LINGO2: variants seen among roughly 807,000 people sequenced by gnomAD.
LINGO2 encodes the protein leucine-rich repeat and immunoglobulin-like domain-containing nogo receptor-interacting protein 2.
A neutral mutation model predicts 30.6 loss-of-function variants in LINGO2; 14 were observed. The observed-to-expected ratio is 0.46, with a 90% CI of 0.30 to 0.72. The LOEUF (loss-of-function observed/expected upper bound fraction) is 0.72. LINGO2 is among the 30% of genes least tolerant of loss of function. The probability of loss-of-function intolerance (pLI) is 0.07; values close to 1 mark genes in which losing one functional copy is unlikely to be tolerated. For synonymous variants in LINGO2, 317 were observed against 288.5 expected (o/e 1.10, Z -1.00); for missense variants, 729 against 751.7 (o/e 0.97, Z 0.35).
intron 4 of LINGO2, among the ~76,000 whole-genome samples, chr9:28,273,180 A>G (rs982479794): frequency 2.6e-5 from 4 of 152,206 alleles, no homozygotes; most frequent in African/African-American, 9.6e-5. Context: ...TGCGTATTGT[A>G]TAAGCTGACC....
intron 2 of LINGO2, among the ~76,000 whole-genome samples, chr9:28,468,116 T>C (rs1825383081): frequency 6.6e-6 from 1 of 152,172 alleles, no homozygotes; most frequent in African/African-American, 2.4e-5. Flanking sequence ...TTTAATAGTA[T>C]ATCTGATAGT....
the LINGO2 span, among the ~76,000 whole-genome samples, chr9:28,997,463 T>C: frequency 6.6e-6 from 1 of 152,166 alleles, no homozygotes; most frequent in African/African-American, 2.4e-5. Flanking sequence ...AATATAACAG[T>C]TTGTTAAATA....
At chr9:28,841,902 C>A in the LINGO2 span, among the ~76,000 whole-genome samples, 1 of 151,828 alleles carries the variant, frequency 6.6e-6, no homozygotes, top group African/African-American at 2.4e-5. Flanking sequence ...CTAATAAAAA[C>A]CGCCTTCCTC....
At chr9:28,229,950 G>A (rs549298028) in intron 4 of LINGO2, among the ~76,000 whole-genome samples, 2 of 151,800 alleles carry the variant, frequency 1.3e-5, no homozygotes, top group African/African-American at 4.8e-5. Flanking sequence ...GAGCTGATTT[G>A]ACCTAAAGGC....
chr9:28,329,755 C>T lies in LINGO2; in HGVS notation c.-245-34389G>A, dbSNP rs1227110814. Among the ~76,000 whole-genome samples, 1 of 152,098 alleles carries T rather than the reference C, an allele frequency of 6.6e-6. No homozygotes were observed. The highest frequency in any genetic ancestry group is 6.5e-5 in the Admixed American group (1 of 15,270). ...CCTTCAAGACTTCAAACAGGCATGA[C>T]CTTTTCCATGCAGACCATCCTGACC... On this transcript the variant is annotated intron_variant, in intron 3 of 5. Transcript: ENST00000379992. This position sits in a 1 kb window ranked among gnomAD's most constrained non-coding sequence, Gnocchi z 4.5.
the LINGO2 span, among the ~76,000 whole-genome samples, chr9:29,038,190 G>A: frequency 4.6e-5 from 7 of 151,904 alleles, no homozygotes; most frequent in African/African-American, 1.7e-4. Flanking sequence ...TGTAGACAAC[G>A]TCCAACTGTT....
the LINGO2 span, among the ~76,000 whole-genome samples, chr9:28,739,204 C>A: frequency 1.3e-5 from 2 of 151,902 alleles, no homozygotes; most frequent in Non-Finnish European, 2.9e-5. Context: ...CAAATGCCAT[C>A]ATAAAGGTCT....
chr9:28,558,418 C>T (rs1822866092), intron 1 of LINGO2, among the ~76,000 whole-genome samples: 2 of 151,996 alleles, frequency 1.3e-5, no homozygotes, highest in Admixed American at 1.3e-4. Context: ...GCATATTCCT[C>T]CTTTCAGTTT....
chr9:28,918,308 C>G, the LINGO2 span, among the ~76,000 whole-genome samples: 6 of 152,144 alleles, frequency 3.9e-5, no homozygotes, highest in African/African-American at 1.4e-4. Flanking sequence ...AACCACCCCC[C>G]CAGGGTTCAA....
the LINGO2 span, among the ~76,000 whole-genome samples, chr9:28,914,295 A>G: frequency 6.6e-6 from 1 of 152,160 alleles, no homozygotes; most frequent in Admixed American, 6.5e-5. Context: ...ACCAGATAAA[A>G]GTATCTTTCT....
chr9:29,145,086 T>C, the LINGO2 span, among the ~76,000 whole-genome samples: 9 of 152,224 alleles, frequency 5.9e-5, no homozygotes, highest in African/African-American at 1.7e-4. Flanking sequence ...TTTATTTCTT[T>C]AATTTTACAG....
chr9:28,427,331 A>G (rs1823455106), intron 2 of LINGO2, among the ~76,000 whole-genome samples: 1 of 152,074 alleles, frequency 6.6e-6, no homozygotes, highest in Non-Finnish European at 1.5e-5. Context: ...GCTCTCACAC[A>G]TGTTCCTGCT....
the LINGO2 span, among the ~76,000 whole-genome samples, chr9:28,752,213 G>T: frequency 3.9e-5 from 6 of 152,028 alleles, no homozygotes; most frequent in African/African-American, 1.5e-4. Flanking sequence ...GCATCAGGAG[G>T]TAGTAAAATG....
intron 4 of LINGO2, among the ~76,000 whole-genome samples, chr9:28,181,758 G>T (rs1287292343): frequency 6.6e-6 from 1 of 152,094 alleles, no homozygotes; most frequent in Non-Finnish European, 1.5e-5. Flanking sequence ...AGTGTGTATA[G>T]AAATATAGTT....
the LINGO2 span, among the ~76,000 whole-genome samples, chr9:29,032,553 G>A: frequency 1.3e-5 from 2 of 152,018 alleles, no homozygotes; most frequent in East Asian, 1.9e-4. Context: ...TTTCTTACTG[G>A]GAGTCACTGT....
At chr9:28,079,314 G>T (rs1825711198) in intron 4 of LINGO2, among the ~76,000 whole-genome samples, 1 of 152,036 alleles carries the variant, frequency 6.6e-6, no homozygotes, top group Non-Finnish European at 1.5e-5. Flanking sequence ...ATATGAGAAG[G>T]TGATGATAAA....
intron 1 of LINGO2, among the ~76,000 whole-genome samples, chr9:28,609,505 G>A (rs950865030): frequency 2.0e-5 from 3 of 151,740 alleles, no homozygotes; most frequent in African/African-American, 7.3e-5. Context: ...ATAAACATTA[G>A]AAAAGTTATT....
At chr9:28,709,199 A>G in the LINGO2 span, among the ~76,000 whole-genome samples, 2 of 151,934 alleles carry the variant, frequency 1.3e-5, no homozygotes, top group Admixed American at 1.3e-4. Flanking sequence ...AACATGCCCT[A>G]TCTCTATTAT....
At chr9:29,087,351 A>C in the LINGO2 span, among the ~76,000 whole-genome samples, 6 of 152,216 alleles carry the variant, frequency 3.9e-5, no homozygotes, top group African/African-American at 1.4e-4. Flanking sequence ...TCTTGAAACC[A>C]GGACTGGTAC....
Sources: gnomAD v4.1 joint callset for allele counts (sites outside exome capture counted in the v4.1 genomes callset) on GRCh38, gnomAD v4.1.1 for gene constraint, Gnocchi (gnomAD v3.1) non-coding constraint, MANE v1.5 for transcripts, NCBI Gene and HGNC (gene_info 2026-07-23, HGNC 2026-07-21) for gene names.